The following KIF26A variants were observed in gnomAD, a reference collection of about 807,000 sequenced individuals.
KIF26A encodes kinesin family member 26A.
In KIF26A, 74 loss-of-function variants were observed where a neutral mutation model predicts 126.0. The ratio of observed to expected loss-of-function variants is 0.59; its 90% CI spans 0.49 to 0.71. The LOEUF (loss-of-function observed/expected upper bound fraction) is 0.71. Ranked by LOEUF, KIF26A falls within the 30% of genes least tolerant of loss-of-function variation. The pLI is 0.00. For missense variants in KIF26A, 2,984 were observed against 2,763.3 expected, an observed-to-expected ratio of 1.08 and a Z score of -1.79; for synonymous variants, 1,445 against 1,232.7, an observed-to-expected ratio of 1.17 and a Z score of -3.61.
intron 4 of KIF26A, among the ~76,000 whole-genome samples, chr14:104,158,338 C>T (rs1346236290): frequency 1.3e-5 from 2 of 152,254 alleles, no homozygotes; most frequent in African/African-American, 2.4e-5. Context: ...AAGAAAATGT[C>T]TGTGAAGCCT....
chr14:104,144,709 G>A (rs1180024776), intron 2 of KIF26A, among the ~76,000 whole-genome samples: 4 of 152,228 alleles, frequency 2.6e-5, no homozygotes, highest in Admixed American at 2.6e-4. Flanking sequence ...AATGGGAACG[G>A]GTCATTCTTT....
chr14:104,178,755 G>A lies in KIF26A; in HGVS notation c.5316G>A (p.Gln1772=). 2 of 1,501,770 alleles carry A rather than the reference G, an allele frequency of 1.3e-6. No individual in the cohort carries two copies. The highest frequency in any genetic ancestry group is 1.8e-6 in the Non-Finnish European group (2 of 1,111,818). 93.0% of individuals were successfully genotyped at this position (1,501,770 alleles called of 1,614,324 possible). ...PRPTPREAPT[Q]GLACVSTRLR... is the part of the protein sequence containing the mutation. ...CCACCCCGAGGGAGGCCCCCACCCA[G>A]GTAGGGCCTTTGGTGGGCTGGGGTC... is the stretch of plus-strand genomic sequence containing the variant. Residue 1772 remains glutamine (Q), a splice_region_variant and synonymous_variant, in exon 13 of 15, where the codon CAG becomes CAA. Transcript: ENST00000423312.
intron 5 of KIF26A, among the ~76,000 whole-genome samples, 171 bp downstream of exon 5, chr14:104,167,219 G>A (rs777914784): frequency 6.6e-5 from 10 of 152,296 alleles, no homozygotes; most frequent in Admixed American, 2.0e-4. Flanking sequence ...AGGGAGCCTG[G>A]GAGCCTGTGC....
intron 2 of KIF26A, among the ~76,000 whole-genome samples, chr14:104,147,958 G>C (rs1394599468): frequency 6.6e-6 from 1 of 152,200 alleles, no homozygotes; most frequent in Non-Finnish European, 1.5e-5. Context: ...GCCCCGTATG[G>C]CTGAGGTCTG....
At chr14:104,154,522 G>A (rs369891130) in intron 3 of KIF26A, among the ~76,000 whole-genome samples, 8 of 152,144 alleles carry the variant, frequency 5.3e-5, no homozygotes, top group Non-Finnish European at 1.2e-4. Context: ...GGTTCTTCCC[G>A]GACTGTTGGG....
intron 2 of KIF26A, among the ~76,000 whole-genome samples, chr14:104,140,376 TG>T (rs2141086410): frequency 6.6e-6 from 1 of 152,270 alleles, no homozygotes; most frequent in South Asian, 2.1e-4. Context: ...CCATACTCTG[TG>T]CCCCAGTGGC....
intron 2 of KIF26A, among the ~76,000 whole-genome samples, chr14:104,143,736 G>A (rs1305229051): frequency 1.3e-5 from 2 of 152,236 alleles, no homozygotes; most frequent in Non-Finnish European, 1.5e-5. Flanking sequence ...CTCGCTGCTT[G>A]GAGCCTGGCC....
chr14:104,153,270 T>C (rs1319441551), intron 3 of KIF26A, among the ~76,000 whole-genome samples: 1 of 152,022 alleles, frequency 6.6e-6, no homozygotes, highest in Non-Finnish European at 1.5e-5. Context: ...GCTGGGCTGG[T>C]CCTTCTGAGG....
In KIF26A at chr14:104,177,965, C is replaced by T. The variant is rs1164953800; in HGVS notation, c.5110+67C>T. The T allele has an allele frequency of 1.9e-5, 27 of 1,394,856 alleles. No homozygotes were observed. In the East Asian group the frequency reaches 6.6e-4, roughly 34 times the overall value. 86.4% of individuals were successfully genotyped at this position (1,394,856 alleles called of 1,614,324 possible). On this transcript the variant is annotated intron_variant, in intron 12 of 14. Transcript: ENST00000423312. ...TCTGTGTGTAGATGTGCACAGCCCT[C>T]TACAGTTTACAGGGCCAGGAGATGC...
At position 104,139,224 on chromosome 14, in the gene KIF26A, C is replaced by T. The variant is rs1245996387; in HGVS notation, c.224C>T (p.Thr75Met). 3 of 1,557,240 alleles carry T rather than the reference C, an allele frequency of 1.9e-6. No individual in the cohort carries two copies. Among genetic ancestry groups the T allele is most frequent in the East Asian group, 4.9e-5 (2 of 41,176 alleles). Residue 75 changes from threonine to methionine, a missense_variant, in exon 2 of 15, where the codon ACG (threonine) becomes ATG (methionine). Thr to Met is a moderately conservative substitution (Grantham distance 81). Coordinates refer to ENST00000423312, the MANE Select transcript of KIF26A (RefSeq NM_015656.2). ...GGCGGCTGGTGCCGCCACTGCCACA[C>T]GAAGCTGGTGGAGCTCAAGCGACAG... ...GGGGWCRHCH[T>M]KLVELKRQAW... is the part of the protein sequence containing the mutation.
rs1307106330 is a variant in KIF26A, at chr14:104,138,687, C to T, written c.-36C>T. 1.6e-6 allele frequency: 2 copies of T among 1,263,520 alleles called. No individual in the cohort carries two copies. Among genetic ancestry groups the T allele is most frequent in the Non-Finnish European group, 2.0e-6 (2 of 1,003,080 alleles). 78.3% of individuals were successfully genotyped at this position (1,263,520 alleles called of 1,614,324 possible). ...GGCGCCCCCGGAGAGCCAGCGTGGC[C>T]GGGAGCGCCTGCCGGGCTCTTCCCG... On this transcript the variant is annotated 5_prime_UTR_variant, in exon 1 of 15. Transcript: ENST00000423312.
Position 104,138,982 on chromosome 14 carries a change from G to C in KIF26A, c.43-61G>C, listed in dbSNP as rs953505591. On this transcript the variant is annotated intron_variant, in intron 1 of 14. Coordinates refer to ENST00000423312, the MANE Select transcript of KIF26A (RefSeq NM_015656.2). ...GCGTCACGCTGGGGCAGGGCGCGCAGGGGTCTGGATCCGACGGACGTCCCA... is the reference window on the plus strand; with the variant it reads ...GCGTCACGCTGGGGCAGGGCGCGCACGGGTCTGGATCCGACGGACGTCCCA... The C allele has an allele frequency of 1.2e-5, 16 of 1,314,128 alleles. No homozygotes were observed. In the African/African-American group the frequency reaches 2.0e-4, roughly 17 times the overall value. 81.4% of individuals were successfully genotyped at this position (1,314,128 alleles called of 1,614,324 possible). A position where few individuals can be genotyped will look rare whatever the true frequency, so the allele number is the denominator to read the frequency against.
intron 5 of KIF26A, among the ~76,000 whole-genome samples, chr14:104,168,902 G>A (rs1219266080): frequency 6.6e-6 from 1 of 152,064 alleles, no homozygotes; most frequent in East Asian, 1.9e-4. Context: ...TAGGCCGGGG[G>A]TCACTGCCTC....
rs1425840883 is a variant in KIF26A, at chr14:104,177,525, T to G, written c.4737T>G (p.Gly1579=). ...ELSASGAPGR[G]GSSWGSADSD... ...CAGCCAGTGGAGCCCCGGGCCGAGGTGGCTCCTCGTGGGGCTCGGCGGACT... is the reference window on the plus strand; with the variant it reads ...CAGCCAGTGGAGCCCCGGGCCGAGGGGGCTCCTCGTGGGGCTCGGCGGACT... Residue 1579 remains glycine, a synonymous_variant, in exon 12 of 15, where the codon GGT becomes GGG. Transcript: ENST00000423312. 6.5e-7 allele frequency: 1 copy of G among 1,535,780 alleles called. No individual in the cohort carries two copies. The highest frequency in any genetic ancestry group is 8.7e-7 in the Non-Finnish European group (1 of 1,146,518).
rs201934446 is a variant in KIF26A, at chr14:104,173,105, C to A, written c.1549C>A (p.Arg517=). 2.4e-5 allele frequency: 38 copies of A among 1,606,196 alleles called. No homozygotes were observed. The East Asian group carries it at 8.3e-4, about 35-fold the overall frequency. The part of the protein sequence containing the change: ...RERTGTRFSV[R]VSAVEVCGRD... ...GAGGACGGGCACCCGCTTCTCCGTC[C>A]GGGTCTCAGCCGTGGAGGTGTGCGG... Residue 517 remains arginine (R), a synonymous_variant, in exon 8 of 15, where the codon CGG becomes AGG. Coordinates refer to ENST00000423312, the MANE Select transcript of KIF26A (RefSeq NM_015656.2).
Position 104,175,461 on chromosome 14 carries a change from C to T in KIF26A, c.2673C>T (p.Gly891=), listed in dbSNP as rs760406206. ...CTGCATCCCCCAGGAAGGCCGTGGG[C>T]ACCCCGATGGCTGCCAGCACCCCTC... ...PEAASPRKAV[G]TPMAASTPRG... Residue 891 remains glycine, a synonymous_variant, in exon 12 of 15, where the codon GGC becomes GGT. Coordinates refer to ENST00000423312, the MANE Select transcript of KIF26A (RefSeq NM_015656.2). The T allele has an allele frequency of 1.4e-5, 23 of 1,591,362 alleles. No individual in the cohort carries two copies. The highest frequency in any genetic ancestry group is 9.4e-5 in the African/African-American group (7 of 74,740).
chr14:104,145,166 T>C (rs2037669380), intron 2 of KIF26A, among the ~76,000 whole-genome samples: 1 of 152,256 alleles, frequency 6.6e-6, no homozygotes, highest in African/African-American at 2.4e-5. Flanking sequence ...GTTTCCCGCC[T>C]GTGAACAGTC....
intron 6 of KIF26A, among the ~76,000 whole-genome samples, chr14:104,172,213 T>C (rs895390793): frequency 1.3e-5 from 2 of 152,336 alleles, no homozygotes; most frequent in African/African-American, 2.4e-5. Flanking sequence ...CGAGCAGCTG[T>C]TGGGCTCTGG....
In KIF26A at chr14:104,147,194, C is replaced by T. The variant is rs1390159881; in HGVS notation, c.289-4821C>T. Among the ~76,000 whole-genome samples the T allele has an allele frequency of 2.6e-5, 4 of 152,202 alleles. No individual in the cohort carries two copies. In the East Asian group the frequency reaches 7.7e-4, roughly 29 times the overall value. On this transcript the variant is annotated intron_variant, in intron 2 of 14. Transcript: ENST00000423312. ...AGCCTGCCCCTCTGCCACCCCACCT[C>T]GCCGGGGCCATCCTTGCCTGTCTGG...
Sources: gnomAD v4.1 joint callset for allele counts (sites outside exome capture counted in the v4.1 genomes callset) on GRCh38, gnomAD v4.1.1 for gene constraint, MANE v1.5 for transcripts, NCBI Gene and HGNC (gene_info 2026-07-23, HGNC 2026-07-21) for gene names.